The following IMMP2L variants were observed in gnomAD, a reference collection of about 807,000 sequenced individuals.
The protein encoded by IMMP2L is inner mitochondrial membrane peptidase subunit 2, also known as mitochondrial inner membrane protease subunit 2.
IMMP2L carries 18 observed loss-of-function variants against 19.3 expected under a neutral mutation model. The observed-to-expected ratio is 0.93, with a 90% CI of 0.64 to 1.38. The LOEUF is 1.38. Ranked by LOEUF, IMMP2L falls within the 40% of genes most tolerant of loss-of-function variation. The pLI is 0.00. For missense variants in IMMP2L, 233 were observed against 218.2 expected, an observed-to-expected ratio of 1.07 and a Z score of -0.43; for synonymous variants, 76 against 73.0, an observed-to-expected ratio of 1.04 and a Z score of -0.21.
At position 111,562,071 on chromosome 7, in the gene IMMP2L, G is replaced by C. The variant is rs961888782; in HGVS notation, c.-223C>G. On this transcript the variant is annotated 5_prime_UTR_variant, in exon 1 of 6. Transcript: ENST00000405709. ...ACGGCCAGAGCCGGGGGCCGGACTA[G>C]GCCCCTTTGTGAGGACTGGGAGAGG... is the stretch of plus-strand genomic sequence containing the variant. The C allele has an allele frequency of 6.6e-6, 1 of 152,358 alleles. No homozygotes were observed. Among genetic ancestry groups the C allele is most frequent in the East Asian group, 1.9e-4 (1 of 5,158 alleles). The allele number at this position is 152,358 out of a possible 1,614,324, so 9.4% of individuals were successfully genotyped here. A position where few individuals can be genotyped will look rare whatever the true frequency, so the allele number is the denominator to read the frequency against.
At chr7:111,003,391 C>A (rs189388842) in intron 3 of IMMP2L, among the ~76,000 whole-genome samples, 79 of 152,148 alleles carry the variant, frequency 5.2e-4, no homozygotes, top group Admixed American at 3.5e-3. Context: ...ATCAAAATAT[C>A]CCTGCTGCAT....
At chr7:111,555,857 A>T (rs1791233187) in intron 1 of IMMP2L, among the ~76,000 whole-genome samples, 1 of 151,606 alleles carries the variant, frequency 6.6e-6, no homozygotes, top group Non-Finnish European at 1.5e-5. Flanking sequence ...CTACCAAATA[A>T]AACAAGAGAT....
intron 1 of IMMP2L, among the ~76,000 whole-genome samples, chr7:111,545,281 A>G (rs1438749917): frequency 1.3e-5 from 2 of 152,138 alleles, no homozygotes; most frequent in African/African-American, 4.8e-5. Context: ...CTAATGATTA[A>G]TGATGCTGAG....
intron 3 of IMMP2L, among the ~76,000 whole-genome samples, chr7:111,224,842 CA>C (rs1394537206): frequency 6.6e-6 from 1 of 152,126 alleles, no homozygotes; most frequent in Non-Finnish European, 1.5e-5. Flanking sequence ...TTGTACTCTT[CA>C]CTGCCATGCA....
intron 3 of IMMP2L, among the ~76,000 whole-genome samples, chr7:111,357,214 G>A (rs1270614297): frequency 2.0e-5 from 3 of 152,036 alleles, no homozygotes; most frequent in East Asian, 3.9e-4. Flanking sequence ...TTTTCAAACC[G>A]TCAAGATATA....
At chr7:110,792,352 T>G (rs1800518750) in intron 5 of IMMP2L, among the ~76,000 whole-genome samples, 1 of 149,934 alleles carries the variant, frequency 6.7e-6, no homozygotes, top group Non-Finnish European at 1.5e-5. Context: ...TTTTCCCTTC[T>G]CTAAGTCTTA....
At chr7:111,500,714 G>T (rs1844130994) in intron 2 of IMMP2L, among the ~76,000 whole-genome samples, 1 of 152,164 alleles carries the variant, frequency 6.6e-6, no homozygotes, top group South Asian at 2.1e-4. Context: ...GGCATACAGG[G>T]TCTGGAGTGG....
chr7:110,756,216 C>G (rs1338415046), intron 5 of IMMP2L, among the ~76,000 whole-genome samples: 1 of 151,992 alleles, frequency 6.6e-6, no homozygotes. Context: ...ATAGTCTGCT[C>G]TGATTAATCA....
intron 1 of IMMP2L, among the ~76,000 whole-genome samples, chr7:111,527,729 G>A (rs1847015337): frequency 6.6e-6 from 1 of 152,118 alleles, no homozygotes; most frequent in Non-Finnish European, 1.5e-5. Context: ...GAACACCGTT[G>A]CTCTTTCACT....
At chr7:111,077,370 A>T (rs1451565617) in intron 3 of IMMP2L, among the ~76,000 whole-genome samples, 1 of 152,212 alleles carries the variant, frequency 6.6e-6, no homozygotes, top group African/African-American at 2.4e-5. Context: ...GATGAGGGCA[A>T]CTTGCTCTTC....
chr7:111,386,596 A>C (rs1390942102), intron 3 of IMMP2L, among the ~76,000 whole-genome samples: 1 of 152,168 alleles, frequency 6.6e-6, no homozygotes, highest in East Asian at 1.9e-4. Flanking sequence ...AATGGATAAG[A>C]AGCAAGTAAA....
chr7:110,929,621 G>A (rs541780491), intron 4 of IMMP2L, among the ~76,000 whole-genome samples: 29 of 152,292 alleles, frequency 1.9e-4, no homozygotes, highest in Non-Finnish European at 3.7e-4. Context: ...TCACGTAACA[G>A]CTGTAAATCA....
chr7:111,156,476 A>G (rs1050216181), intron 3 of IMMP2L, among the ~76,000 whole-genome samples: 1 of 152,028 alleles, frequency 6.6e-6, no homozygotes, highest in African/African-American at 2.4e-5. Flanking sequence ...TGACCTGGTT[A>G]CTCTTGGGCG....
intron 3 of IMMP2L, among the ~76,000 whole-genome samples, chr7:111,150,201 C>T (rs1001558146): frequency 6.6e-6 from 1 of 152,130 alleles, no homozygotes; most frequent in Admixed American, 6.6e-5. Flanking sequence ...ACATAACCCA[C>T]CAAAGATACA....
chr7:110,707,172 C>T (rs1403483612), intron 5 of IMMP2L, among the ~76,000 whole-genome samples: 1 of 68,720 alleles, frequency 1.5e-5, no homozygotes, highest in Non-Finnish European at 2.8e-5. Flanking sequence ...GACCCCACCA[C>T]AGTCCCCAGA....
intron 2 of IMMP2L, among the ~76,000 whole-genome samples, chr7:111,509,314 G>A (rs1020488549): frequency 8.5e-5 from 13 of 152,142 alleles, no homozygotes; most frequent in Non-Finnish European, 1.5e-5. Context: ...AAGGACCACA[G>A]CAGCTACAAA....
At chr7:111,250,967 A>T (rs1816037981) in intron 3 of IMMP2L, among the ~76,000 whole-genome samples, 1 of 152,206 alleles carries the variant, frequency 6.6e-6, no homozygotes, top group Admixed American at 6.5e-5. Flanking sequence ...CTGAACAGAC[A>T]ACCTATAGAA....
In IMMP2L at chr7:110,683,672, T is replaced by A. The variant is rs75222816; in HGVS notation, c.409-19951A>T. On this transcript the variant is annotated intron_variant, in intron 5 of 5. Transcript: ENST00000405709. ...AAGCATAGTTTGAATGACTAAAAAGTAATGTTACTGTGATCATGTTAAAGG... is the reference window on the plus strand; with the variant it reads ...AAGCATAGTTTGAATGACTAAAAAGAAATGTTACTGTGATCATGTTAAAGG... 9.0e-3 allele frequency among the ~76,000 whole-genome samples: 1,367 copies of A among 152,254 alleles called. 21 individuals are homozygous for A. The highest frequency in any genetic ancestry group is 0.031 in the African/African-American group (1,282 of 41,580).
intron 1 of IMMP2L, among the ~76,000 whole-genome samples, chr7:111,548,776 G>A (rs1435078507): frequency 1.3e-5 from 2 of 152,092 alleles, no homozygotes; most frequent in African/African-American, 4.8e-5. Flanking sequence ...AACTTTACAA[G>A]CCTATTTCTA....
Sources: gnomAD v4.1 joint callset for allele counts (sites outside exome capture counted in the v4.1 genomes callset) on GRCh38, gnomAD v4.1.1 for gene constraint, MANE v1.5 for transcripts, NCBI Gene and HGNC (gene_info 2026-07-23, HGNC 2026-07-21) for gene names.